The following NFAM1 variants were observed in gnomAD, a reference collection of about 807,000 sequenced individuals.
The protein encoded by NFAM1 is NFAT activating protein with ITAM motif 1.
A neutral mutation model predicts 29.0 loss-of-function variants in NFAM1; 17 were observed. The observed-to-expected ratio is 0.59, with a 90% CI of 0.40 to 0.88. The LOEUF is 0.88. NFAM1 is among the 40% of genes least tolerant of loss of function. NFAM1 has a pLI of 0.00. For missense variants in NFAM1, 324 were observed against 344.6 expected (o/e 0.94, Z 0.47); for synonymous variants, 175 against 147.2 (o/e 1.19, Z -1.36).
At chr22:42,434,990 C>G (rs559324428), upstream of NFAM1, among the ~76,000 whole-genome samples, 1 of 152,358 alleles carries the variant, frequency 6.6e-6, no homozygotes, top group South Asian at 2.1e-4. Flanking sequence ...GCCTAGCCTC[C>G]CTGGGAAGCC....
At chr22:42,424,874 C>G (rs1186703337) in intron 1 of NFAM1, among the ~76,000 whole-genome samples, 2 of 151,212 alleles carry the variant, frequency 1.3e-5, no homozygotes, top group Non-Finnish European at 2.9e-5. Flanking sequence ...CCCTCCTTCC[C>G]TCCCTCTCTC....
At chr22:42,402,474 C>G (rs577098247) in intron 3 of NFAM1, among the ~76,000 whole-genome samples, 57 of 152,216 alleles carry the variant, frequency 3.7e-4, no homozygotes, top group Admixed American at 3.3e-3. Context: ...CGGAAGGGCT[C>G]GGAGGAAGGG....
intron 3 of NFAM1, among the ~76,000 whole-genome samples, chr22:42,402,123 G>A (rs1215542781): frequency 2.0e-5 from 3 of 152,224 alleles, no homozygotes; most frequent in Non-Finnish European, 4.4e-5. Context: ...CCAGGAGAGG[G>A]TGATGGAGCC....
At chr22:42,392,053 A>G (rs1374441642) in intron 4 of NFAM1, among the ~76,000 whole-genome samples, 1 of 152,186 alleles carries the variant, frequency 6.6e-6, no homozygotes, top group Non-Finnish European at 1.5e-5. Context: ...TGGGCTGGAA[A>G]TATAAACTTG....
intron 4 of NFAM1, among the ~76,000 whole-genome samples, chr22:42,396,210 G>A (rs924292858): frequency 2.0e-5 from 3 of 152,126 alleles, no homozygotes; most frequent in African/African-American, 7.2e-5. Context: ...AAGTCGGCCT[G>A]CATCCTAGAG....
At chr22:42,392,110 A>G (rs940962799) in intron 4 of NFAM1, among the ~76,000 whole-genome samples, 6 of 152,110 alleles carry the variant, frequency 3.9e-5, no homozygotes, top group Non-Finnish European at 7.4e-5. Context: ...TGGCTAAATG[A>G]CATCACCCAG....
chr22:42,391,945 C>CAAAAAAAA (rs58006775), intron 4 of NFAM1, among the ~76,000 whole-genome samples: 1 of 68,968 alleles, frequency 1.4e-5, no homozygotes. Context: ...GACTCTGTCT[C>CAAAAAAAA]AAAAAAAAAA....
Position 42,388,324 on chromosome 22 carries a change from G to A in NFAM1, c.664-1246C>T, listed in dbSNP as rs1343704280. On this transcript the variant is annotated intron_variant, in intron 4 of 5. Transcript: ENST00000329021. The surrounding 1 kb of genome is among the most constrained non-coding windows in gnomAD (Gnocchi z 4.1). Reference sequence around the variant, plus strand: ...TCAATGCATGATTAAATGAGATACTGTGCACAAAGGGCCACACACACAGTC... The same window carrying A: ...TCAATGCATGATTAAATGAGATACTATGCACAAAGGGCCACACACACAGTC... Among the ~76,000 whole-genome samples the A allele has an allele frequency of 1.3e-5, 2 of 152,176 alleles. No homozygotes were observed. The highest frequency in any genetic ancestry group is 3.8e-4 in the East Asian group (2 of 5,202).
chr22:42,431,535 G>A (rs552272521), intron 1 of NFAM1, among the ~76,000 whole-genome samples: 26 of 152,262 alleles, frequency 1.7e-4, no homozygotes, highest in East Asian at 7.7e-4. Context: ...CTCCTGGGCC[G>A]TCCCTGGCCT....
intron 4 of NFAM1, among the ~76,000 whole-genome samples, chr22:42,396,921 AGGGGGCGTGCACCTG>A (rs372263967): frequency 0.011 from 1,446 of 127,774 alleles, 30 homozygotes; most frequent in African/African-American, 0.041. Context: ...CATCGCAGCC[AGGGGGCGTGCACCTG>A]GGGGGCGTGC....
intron 1 of NFAM1, among the ~76,000 whole-genome samples, chr22:42,424,624 GT>G (rs942565185): frequency 6.6e-6 from 1 of 152,178 alleles, no homozygotes; most frequent in Non-Finnish European, 1.5e-5. Flanking sequence ...GAGGCAGACA[GT>G]TGGGGGAGGG....
rs1405052114 is a variant in NFAM1 at position 42,432,323 on chromosome 22, G to A, written c.35C>T (p.Pro12Leu). The A allele has an allele frequency of 1.9e-6, 3 of 1,577,316 alleles. No individual in the cohort carries two copies. Among genetic ancestry groups the A allele is most frequent in the Non-Finnish European group, 2.6e-6 (3 of 1,161,514 alleles). ...ENQPVRWRALPGLPRPPGLPA... is the reference protein window; with the variant it reads ...ENQPVRWRALLGLPRPPGLPA... The stretch of plus-strand genomic sequence containing the variant: ...GAGCCCAGGAGGGCGTGGGAGGCCT[G>A]GCAGGGCCCGCCACCTCACAGGCTG... Residue 12 changes from proline (P) to leucine (L), a missense_variant, in exon 1 of 6, where the codon CCA (proline) becomes CTA (leucine). By Grantham distance (98) the Pro-to-Leu change is moderately conservative. Transcript: ENST00000329021.
At chr22:42,415,075 A>G (rs753813132) in intron 1 of NFAM1, among the ~76,000 whole-genome samples, 29 of 152,118 alleles carry the variant, frequency 1.9e-4, no homozygotes, top group Admixed American at 6.6e-4. Context: ...CGAAACGAGA[A>G]CCTCAGACCT....
chr22:42,385,264 G>C, intron 5 of NFAM1, 44 bp from the exon 6 acceptor site: 7 of 1,340,392 alleles, frequency 5.2e-6, no homozygotes, highest in Non-Finnish European at 7.5e-6. Context: ...GAAAGAGAGA[G>C]AATGACCATT....
chr22:42,414,347 G>A (rs1930189642), intron 1 of NFAM1, among the ~76,000 whole-genome samples: 1 of 152,058 alleles, frequency 6.6e-6, no homozygotes, highest in Non-Finnish European at 1.5e-5. Flanking sequence ...CATTCATTTT[G>A]TCATAAAACT....
chr22:42,416,098 T>C (rs891898283), intron 1 of NFAM1, among the ~76,000 whole-genome samples: 10 of 152,118 alleles, frequency 6.6e-5, no homozygotes, highest in African/African-American at 7.2e-5. Context: ...AGGAATTGTA[T>C]CCTGGCTTGG....
At chr22:42,422,905 G>C (rs1366708477) in intron 1 of NFAM1, among the ~76,000 whole-genome samples, 1 of 152,080 alleles carries the variant, frequency 6.6e-6, no homozygotes, top group East Asian at 1.9e-4. Context: ...ACGAGGTCAA[G>C]AGTTTGAGAC....
intron 2 of NFAM1, among the ~76,000 whole-genome samples, chr22:42,411,148 T>A (rs1052052456): frequency 6.0e-5 from 9 of 150,868 alleles, no homozygotes; most frequent in African/African-American, 2.2e-4. Context: ...CTCAGCCTCC[T>A]GAGTAGCTGG....
intron 3 of NFAM1, among the ~76,000 whole-genome samples, chr22:42,403,465 G>A (rs1432521995): frequency 6.6e-6 from 1 of 152,150 alleles, no homozygotes; most frequent in Non-Finnish European, 1.5e-5. Context: ...TCGGCTCATT[G>A]CAACCTCCGC....
Sources: gnomAD v4.1 joint callset for allele counts (sites outside exome capture counted in the v4.1 genomes callset) on GRCh38, gnomAD v4.1.1 for gene constraint, Gnocchi (gnomAD v3.1) non-coding constraint, MANE v1.5 for transcripts, NCBI Gene and HGNC (gene_info 2026-07-23, HGNC 2026-07-21) for gene names.